Variants in GLRA2 observed in about 807,000 individuals in gnomAD.
GLRA2 encodes the protein glycine receptor alpha 2.
A neutral mutation model predicts 31.6 loss-of-function variants in GLRA2; 11 were observed. That is an observed-to-expected ratio of 0.35 (90% CI 0.22 to 0.58). The LOEUF is 0.58. Among genes scored for constraint, GLRA2 ranks in the 20% least tolerant of loss-of-function variants. The probability of loss-of-function intolerance (pLI) is 0.84; values close to 1 mark genes in which losing one functional copy is unlikely to be tolerated. For missense variants in GLRA2, 212 were observed against 351.8 expected, an observed-to-expected ratio of 0.60 and a Z score of 3.18; for synonymous variants, 132 against 134.0, an observed-to-expected ratio of 0.99 and a Z score of 0.10.
chrX:14,730,497 A>G lies in GLRA2; in HGVS notation c.*12A>G. On this transcript the variant is annotated 3_prime_UTR_variant, in exon 9 of 9. Coordinates refer to ENST00000218075, the MANE Select transcript of GLRA2 (RefSeq NM_002063.4). ...TCCACAAGAAATAGATGTGCCCTACAGACCCTGGGACCTTCTTGCCTCAGT... is the reference window on the plus strand; with the variant it reads ...TCCACAAGAAATAGATGTGCCCTACGGACCCTGGGACCTTCTTGCCTCAGT... 4.3e-6 allele frequency: 5 copies of G among 1,159,343 alleles called. No homozygotes were observed. The highest frequency in any genetic ancestry group is 5.9e-6 in the Non-Finnish European group (5 of 854,398).
rs908493719 is a variant in GLRA2 at position 14,529,963 on chromosome X, C to G, written c.-95C>G. The G allele has an allele frequency of 7.2e-6, 5 of 693,865 alleles. No individual in the cohort carries two copies. Among genetic ancestry groups the G allele is most frequent in the African/African-American group, 2.1e-5 (1 of 46,917 alleles). 57.2% of individuals were successfully genotyped at this position (693,865 alleles called of 1,213,427 possible). ...GATTTTCAAGGAAACTAGGTTCCTGCCAAATTTTGAATCTGGACAATAAAC... is the reference window on the plus strand; with the variant it reads ...GATTTTCAAGGAAACTAGGTTCCTGGCAAATTTTGAATCTGGACAATAAAC... On this transcript the variant is annotated 5_prime_UTR_variant, in exon 1 of 9. Transcript: ENST00000218075.
chrX:14,532,727 G>A (rs898054367), intron 2 of GLRA2, among the ~76,000 whole-genome samples: 4 of 111,650 alleles, frequency 3.6e-5, no homozygotes, highest in Admixed American at 9.5e-5. Flanking sequence ...AGATTCAGTG[G>A]TTACTCCAAA....
chrX:14,549,574 A>C (rs1426092374), intron 2 of GLRA2, among the ~76,000 whole-genome samples: 1 of 111,708 alleles, frequency 9.0e-6, no homozygotes, highest in Non-Finnish European at 1.9e-5. Flanking sequence ...GATAAACTTA[A>C]GGTAAAATTG....
intron 4 of GLRA2, among the ~76,000 whole-genome samples, chrX:14,592,154 C>T (rs924829215): frequency 1.8e-5 from 2 of 111,674 alleles, no homozygotes; most frequent in Non-Finnish European, 3.8e-5. Flanking sequence ...CCTTCCCAAA[C>T]CACAAAACAC....
intron 7 of GLRA2, among the ~76,000 whole-genome samples, chrX:14,678,538 G>C (rs1287849189): frequency 9.0e-6 from 1 of 111,399 alleles, no homozygotes; most frequent in Non-Finnish European, 1.9e-5. Context: ...TTGAGTATTA[G>C]AGATGAAGAC....
chrX:14,731,666 T>A lies in GLRA2; in HGVS notation c.*1181T>A, dbSNP rs979410804. 8 of 111,675 alleles carry A rather than the reference T, an allele frequency of 7.2e-5. No homozygotes were observed. The allele number at this position is 111,675 out of a possible 1,213,427, so 9.2% of individuals were successfully genotyped here. ...GTGGTTTGAATTCTGGCTACATGTTTTAAGTAAGAAAAAAAAAGACGTATT... is the reference window on the plus strand; with the variant it reads ...GTGGTTTGAATTCTGGCTACATGTTATAAGTAAGAAAAAAAAAGACGTATT... On this transcript the variant is annotated 3_prime_UTR_variant, in exon 9 of 9. Transcript: ENST00000218075.
intron 7 of GLRA2, among the ~76,000 whole-genome samples, chrX:14,687,739 AT>A (rs2091295711): frequency 9.0e-6 from 1 of 111,340 alleles, no homozygotes; most frequent in Non-Finnish European, 1.9e-5. Flanking sequence ...CTTCTTTGTG[AT>A]GGGTTCGAAC....
At chrX:14,641,254 A>G (rs2090768881) in intron 7 of GLRA2, among the ~76,000 whole-genome samples, 1 of 111,624 alleles carries the variant, frequency 9.0e-6, no homozygotes, top group African/African-American at 3.3e-5. Context: ...CTCTTTATCC[A>G]AGTACTCTAT....
At chrX:14,540,776 T>C (rs762444562) in intron 2 of GLRA2, among the ~76,000 whole-genome samples, 14 of 110,691 alleles carry the variant, frequency 1.3e-4, no homozygotes. Context: ...AATGTGATTG[T>C]TCTGTCTCCT....
chrX:14,573,386 A>G lies in GLRA2; in HGVS notation c.203-947A>G, dbSNP rs965907014. 3.6e-5 allele frequency among the ~76,000 whole-genome samples: 4 copies of G among 112,124 alleles called. No homozygotes were observed. In the Admixed American group the frequency reaches 3.8e-4, roughly 11 times the overall value. On this transcript the variant is annotated intron_variant, in intron 2 of 8. Coordinates refer to ENST00000218075, the MANE Select transcript of GLRA2 (RefSeq NM_002063.4). ...TACAGATTTGTTGGGTACTGAGCCAACTAGGGTGTTTCTTGCACTGGGCTG... is the reference window on the plus strand; with the variant it reads ...TACAGATTTGTTGGGTACTGAGCCAGCTAGGGTGTTTCTTGCACTGGGCTG...
At chrX:14,504,555 A>C in the GLRA2 span, among the ~76,000 whole-genome samples, 1 of 112,055 alleles carries the variant, frequency 8.9e-6, no homozygotes, top group East Asian at 2.8e-4. Flanking sequence ...CCCACAGGCC[A>C]AATGATGAGT....
intron 7 of GLRA2, among the ~76,000 whole-genome samples, chrX:14,664,682 C>T: frequency 8.9e-6 from 1 of 112,281 alleles, no homozygotes. Context: ...CTTGTCCATA[C>T]ATTCAAGGTC....
At chrX:14,565,158 T>C (rs1293668971) in intron 2 of GLRA2, among the ~76,000 whole-genome samples, 1 of 111,969 alleles carries the variant, frequency 8.9e-6, no homozygotes, top group Non-Finnish European at 1.9e-5. Flanking sequence ...TTAAACACCC[T>C]AATCAAAAGA....
the GLRA2 span, among the ~76,000 whole-genome samples, chrX:14,474,975 C>T: frequency 9.0e-6 from 1 of 111,679 alleles, no homozygotes; most frequent in East Asian, 2.8e-4. Flanking sequence ...TATTTGTAGC[C>T]CTTGTTGCAA....
chrX:14,605,415 A>C (rs1243063159), intron 5 of GLRA2, among the ~76,000 whole-genome samples: 1 of 111,756 alleles, frequency 8.9e-6, no homozygotes, highest in South Asian at 3.7e-4. Context: ...TCATAGATAA[A>C]ATGAAAATTT....
the GLRA2 span, among the ~76,000 whole-genome samples, chrX:14,474,388 C>T: frequency 9.0e-6 from 1 of 111,639 alleles, no homozygotes; most frequent in Admixed American, 9.6e-5. Context: ...TCCTTTTGGG[C>T]TTAGGGGGTT....
chrX:14,705,258 G>C (rs1476022726), intron 8 of GLRA2, among the ~76,000 whole-genome samples: 1 of 112,031 alleles, frequency 8.9e-6, no homozygotes, highest in African/African-American at 3.2e-5. Flanking sequence ...AGGAAAGTGA[G>C]AGTCAGTGAC....
At chrX:14,518,310 A>G in the GLRA2 span, among the ~76,000 whole-genome samples, 3 of 112,421 alleles carry the variant, frequency 2.7e-5, no homozygotes, top group South Asian at 1.1e-3. Context: ...ACAACTTGGC[A>G]TCCTCTAATA....
At chrX:14,513,323 T>C in the GLRA2 span, among the ~76,000 whole-genome samples, 1 of 111,284 alleles carries the variant, frequency 9.0e-6, no homozygotes, top group African/African-American at 3.3e-5. Flanking sequence ...CTCTAGAAGA[T>C]AACATCAGAA....
Sources: gnomAD v4.1 joint callset for allele counts (sites outside exome capture counted in the v4.1 genomes callset) on GRCh38, gnomAD v4.1.1 for gene constraint, MANE v1.5 for transcripts, NCBI Gene and HGNC (gene_info 2026-07-23, HGNC 2026-07-21) for gene names.